STAT5B: variants seen among roughly 807,000 people sequenced by gnomAD.
STAT5B encodes the protein transcription factor STAT5B.
STAT5B carries 21 observed loss-of-function variants against 107.8 expected under a neutral mutation model. The observed-to-expected ratio is 0.19, with a 90% CI of 0.14 to 0.28. The LOEUF is 0.28. Among genes scored for constraint, STAT5B ranks in the 10% least tolerant of loss-of-function variants. The pLI, the probability that STAT5B is intolerant of heterozygous loss-of-function variation, is 1.00. For missense variants in STAT5B, 565 were observed against 1,008.2 expected (o/e 0.56, Z 5.95); for synonymous variants, 325 against 401.7 (o/e 0.81, Z 2.28).
intron 5 of STAT5B, among the ~76,000 whole-genome samples, chr17:42,220,656 G>A (rs2080217782): frequency 6.6e-6 from 1 of 152,118 alleles, no homozygotes; most frequent in African/African-American, 2.4e-5. Flanking sequence ...GCATGTCCAG[G>A]GCCACTGGGG....
rs148509105 is a variant in STAT5B at position 42,224,762 on chromosome 17, C to T, written c.375+17G>A. ...AAGACTTCCCGACTGCCCTCCCCAT[C>T]CCTATGGGACACTCACATTGTTGGC... On this transcript the variant is annotated intron_variant, in intron 4 of 18. Transcript: ENST00000293328. 1.7e-3 allele frequency: 2,728 copies of T among 1,613,380 alleles called. 8 individuals carry two copies. Among genetic ancestry groups the T allele is most frequent in the Non-Finnish European group, 1.5e-3 (1,777 of 1,179,462 alleles).
chr17:42,246,320 A>G, intron 1 of STAT5B, among the ~76,000 whole-genome samples: 1 of 152,166 alleles, frequency 6.6e-6, no homozygotes, highest in East Asian at 1.9e-4. Context: ...AGAATTATAA[A>G]GTAAAAATTC....
chr17:42,236,953 T>G (rs1373164332), intron 1 of STAT5B, among the ~76,000 whole-genome samples: 1 of 152,196 alleles, frequency 6.6e-6, no homozygotes, highest in Non-Finnish European at 1.5e-5. Flanking sequence ...CCAATTTCAG[T>G]GCGTGATGCT....
chr17:42,285,355 G>T, the STAT5B span, among the ~76,000 whole-genome samples: 2 of 152,202 alleles, frequency 1.3e-5, no homozygotes, highest in Non-Finnish European at 2.9e-5. Flanking sequence ...GCCTCCCAGA[G>T]TGCTGGGATT....
intron 18 of STAT5B, 128 bp downstream of exon 18, chr17:42,202,212 G>C (rs549334408): frequency 1.5e-5 from 17 of 1,125,618 alleles, no homozygotes; most frequent in Middle Eastern, 2.0e-4. Flanking sequence ...GCCAGAGCCC[G>C]GGCCAGGGCT....
chr17:42,232,698 T>C (rs914009252), intron 1 of STAT5B, among the ~76,000 whole-genome samples: 2 of 152,192 alleles, frequency 1.3e-5, no homozygotes, highest in African/African-American at 4.8e-5. Context: ...TGAAATGTAC[T>C]AAGGTCTTAT....
intron 1 of STAT5B, chr17:42,235,330 C>T (rs1164151234): frequency 6.6e-6 from 1 of 152,216 alleles, no homozygotes; most frequent in Non-Finnish European, 1.5e-5. Flanking sequence ...GTACCTGGCA[C>T]ATAAGCATCA....
At chr17:42,262,796 A>ATG (rs1287086407) in intron 1 of STAT5B, among the ~76,000 whole-genome samples, 26 of 109,772 alleles carry the variant, frequency 2.4e-4, no homozygotes, top group Admixed American at 9.1e-4. Context: ...ACACATATAT[A>ATG]TGTGTGTATA....
chr17:42,283,262 G>A, the STAT5B span, among the ~76,000 whole-genome samples: 1 of 152,074 alleles, frequency 6.6e-6, no homozygotes, highest in Admixed American at 6.5e-5. Flanking sequence ...GGGCTGCCCA[G>A]GACAGTGCCA....
chr17:42,216,350 G>A (rs1485204514), intron 11 of STAT5B, among the ~76,000 whole-genome samples: 3 of 152,120 alleles, frequency 2.0e-5, no homozygotes, highest in African/African-American at 7.2e-5. Context: ...GTTTCTCAAA[G>A]TTACATGGAG....
intron 1 of STAT5B, among the ~76,000 whole-genome samples, chr17:42,260,503 G>A (rs2080585612): frequency 1.3e-5 from 2 of 151,508 alleles, no homozygotes; most frequent in Admixed American, 1.3e-4. Flanking sequence ...TAACCTCCTC[G>A]GCTCAAGTGA....
upstream of STAT5B, among the ~76,000 whole-genome samples, chr17:42,280,723 G>A (rs935122775): frequency 4.6e-5 from 7 of 152,128 alleles, no homozygotes; most frequent in Non-Finnish European, 7.4e-5. Flanking sequence ...GAATGGCGTG[G>A]CCTCGGTTTG....
chr17:42,204,526 T>C (rs1046451455), intron 16 of STAT5B, among the ~76,000 whole-genome samples: 4 of 152,220 alleles, frequency 2.6e-5, no homozygotes, highest in African/African-American at 9.6e-5. Flanking sequence ...GGAGCGACCT[T>C]TTCATAACAT....
chr17:42,229,532 C>T (rs931841113), intron 2 of STAT5B, among the ~76,000 whole-genome samples: 1 of 150,346 alleles, frequency 6.7e-6, no homozygotes, highest in Non-Finnish European at 1.5e-5. Context: ...AACCTTAATT[C>T]TCTGTTAAAA....
In STAT5B at chr17:42,202,293, A is replaced by G. The variant is rs756064597; in HGVS notation, c.2237+47T>C. On this transcript the variant is annotated intron_variant, in intron 18 of 18. Coordinates refer to ENST00000293328, the MANE Select transcript of STAT5B (RefSeq NM_012448.4). ...CCCTCCAGGGGTCCAGCCTGGGGCC[A>G]AGCCCCCAGTTCCTCCCCTGTGGAC... 3.1e-6 allele frequency: 5 copies of G among 1,606,430 alleles called. No individual in the cohort carries two copies. The Admixed American group carries it at 5.0e-5, about 16-fold the overall frequency.
At position 42,227,470 on chromosome 17, in the gene STAT5B, T is replaced by C. The variant is rs2080283270; in HGVS notation, c.285+59A>G. 3 of 1,610,008 alleles carry C rather than the reference T, an allele frequency of 1.9e-6. No homozygotes were observed. In the Admixed American group the frequency reaches 5.0e-5, roughly 27 times the overall value. On this transcript the variant is annotated intron_variant, in intron 3 of 18. Coordinates refer to ENST00000293328, the MANE Select transcript of STAT5B (RefSeq NM_012448.4). ...GACTGAAGGAGAGAAAGAAAGTCTC[T>C]ACAGGAAGAAGACCCCCAAGGGAAG...
At chr17:42,222,768 G>A (rs1598306809) in intron 5 of STAT5B, among the ~76,000 whole-genome samples, 3 of 139,702 alleles carry the variant, frequency 2.1e-5, no homozygotes, top group Admixed American at 1.5e-4. Context: ...TGCAACCTCC[G>A]CCTCCCGGGT....
intron 2 of STAT5B, among the ~76,000 whole-genome samples, chr17:42,230,109 G>A (rs1259774487): frequency 2.0e-5 from 3 of 152,076 alleles, no homozygotes; most frequent in Non-Finnish European, 2.9e-5. Flanking sequence ...AGCACTAAAC[G>A]AGGTACAGCT....
At chr17:42,278,672 C>T (rs1304081556), upstream of STAT5B, among the ~76,000 whole-genome samples, 6 of 152,082 alleles carry the variant, frequency 3.9e-5, no homozygotes, top group Non-Finnish European at 8.8e-5. Context: ...CCACTACTCC[C>T]AGATTAATTT....
Sources: allele counts gnomAD v4.1 joint callset (sites outside exome capture counted in the v4.1 genomes callset), GRCh38; gene constraint gnomAD v4.1.1; transcripts MANE v1.5; gene names NCBI Gene and HGNC (gene_info 2026-07-23, HGNC 2026-07-21).